The following HPSE2 variants were observed in gnomAD, a reference collection of about 807,000 sequenced individuals.
HPSE2 encodes the protein inactive heparanase-2.
HPSE2 carries 38 observed loss-of-function variants against 60.5 expected under a neutral mutation model. That is an observed-to-expected ratio of 0.63 (90% confidence interval 0.48 to 0.82). The LOEUF (loss-of-function observed/expected upper bound fraction) is 0.82. HPSE2 is among the 40% of genes least tolerant of loss of function. The pLI is 0.00. For synonymous variants in HPSE2, 295 were observed against 293.2 expected (o/e 1.01, Z -0.06); for missense variants, 713 against 740.4 (o/e 0.96, Z 0.43).
intron 6 of HPSE2, among the ~76,000 whole-genome samples, chr10:98,644,808 C>A (rs1245561425): frequency 1.3e-5 from 2 of 152,198 alleles, no homozygotes; most frequent in Non-Finnish European, 2.9e-5. Context: ...TGAAATCCAG[C>A]AACCTTGGCT....
chr10:98,526,808 G>A (rs1942980670), intron 9 of HPSE2, among the ~76,000 whole-genome samples: 1 of 152,108 alleles, frequency 6.6e-6, no homozygotes, highest in Non-Finnish European at 1.5e-5. Context: ...GGGCTCACTG[G>A]GGTTGAGGGG....
rs35173219 is a variant in HPSE2, at chr10:98,932,603, CTTTTT to C, written c.611-188552_611-188548del. Among the ~76,000 whole-genome samples, 3 of 125,988 alleles carry C rather than the reference CTTTTT, an allele frequency of 2.4e-5. 1 individual carries two copies. The highest frequency in any genetic ancestry group is 4.9e-5 in the Non-Finnish European group (3 of 61,832). 82.7% of individuals were successfully genotyped at this position (125,988 alleles called of 152,430 possible). On this transcript the variant is annotated intron_variant, in intron 3 of 11. Coordinates refer to ENST00000370552, the MANE Select transcript of HPSE2 (RefSeq NM_021828.5). ...AGCTGTAACTCCATCTGGAGCTGGG[CTTTTT>C]TTTTTTTTTGGCTGGTAGGCTATTT...
the HPSE2 span, among the ~76,000 whole-genome samples, chr10:99,312,085 A>G: frequency 2.0e-5 from 3 of 152,344 alleles, no homozygotes; most frequent in South Asian, 2.1e-4. Flanking sequence ...AGTTGGGACT[A>G]GTAAAGTGTG....
chr10:98,867,968 G>A (rs1038394290), intron 3 of HPSE2, among the ~76,000 whole-genome samples: 4 of 151,866 alleles, frequency 2.6e-5, no homozygotes, highest in Middle Eastern at 3.4e-3. Context: ...AGGGTGAGGC[G>A]GGAGAATCAC....
At chr10:98,846,795 C>T (rs778420755) in intron 3 of HPSE2, among the ~76,000 whole-genome samples, 2 of 152,148 alleles carry the variant, frequency 1.3e-5, no homozygotes, top group East Asian at 1.9e-4. Context: ...TAGTTTCAAA[C>T]TCCTGGGCTC....
chr10:98,934,194 A>G lies in HPSE2; in HGVS notation c.611-190138T>C, dbSNP rs1051084156. 1.0e-4 allele frequency among the ~76,000 whole-genome samples: 15 copies of G among 144,262 alleles called. 3 individuals carry two copies. Among genetic ancestry groups the G allele is most frequent in the African/African-American group, 4.2e-4 (15 of 35,542 alleles). 94.6% of individuals were successfully genotyped at this position (144,262 alleles called of 152,430 possible). Reference sequence around the variant, plus strand: ...TTTGCACATGAGATGTGTCTCTTGAATACAGCACACCAACAGGTCTTCTCT... The same window carrying G: ...TTTGCACATGAGATGTGTCTCTTGAGTACAGCACACCAACAGGTCTTCTCT... On this transcript the variant is annotated intron_variant, in intron 3 of 11. Transcript: ENST00000370552.
At chr10:98,668,568 A>C (rs537640141) in intron 6 of HPSE2, among the ~76,000 whole-genome samples, 9 of 152,338 alleles carry the variant, frequency 5.9e-5, no homozygotes, top group African/African-American at 2.2e-4. Context: ...CTTATAGACC[A>C]TTGTAACAGA....
Position 98,930,121 on chromosome 10 carries a change from C to A in HPSE2, c.611-186065G>T, listed in dbSNP as rs538193584. ...AAGCCCAGCATGCATCAGCTCTTTTCTCTAATGCTTCCCCCCTCCACTATC... is the reference window on the plus strand; with the variant it reads ...AAGCCCAGCATGCATCAGCTCTTTTATCTAATGCTTCCCCCCTCCACTATC... On this transcript the variant is annotated intron_variant, in intron 3 of 11. Coordinates refer to ENST00000370552, the MANE Select transcript of HPSE2 (RefSeq NM_021828.5). Among the ~76,000 whole-genome samples, 4 of 141,178 alleles carry A rather than the reference C, an allele frequency of 2.8e-5. 1 individual carries two copies. The highest frequency in any genetic ancestry group is 1.1e-4 in the African/African-American group (4 of 34,820). The allele number at this position is 141,178 out of a possible 152,430, so 92.6% of individuals were successfully genotyped here. A position where few individuals can be genotyped will look rare whatever the true frequency, so the allele number is the denominator to read the frequency against.
intron 3 of HPSE2, among the ~76,000 whole-genome samples, chr10:98,834,319 G>T (rs949920416): frequency 6.6e-6 from 1 of 152,086 alleles, no homozygotes; most frequent in African/African-American, 2.4e-5. Context: ...ACTAATTGGT[G>T]ACATCTGCAA....
At chr10:98,696,469 C>T (rs1010244463) in intron 5 of HPSE2, among the ~76,000 whole-genome samples, 2 of 152,020 alleles carry the variant, frequency 1.3e-5, no homozygotes, top group Admixed American at 6.6e-5. Context: ...AGGGAAGCCC[C>T]GATCCTCAGT....
chr10:98,798,791 T>A (rs1478887876), intron 3 of HPSE2, among the ~76,000 whole-genome samples: 1 of 151,672 alleles, frequency 6.6e-6, no homozygotes, highest in East Asian at 1.9e-4. Flanking sequence ...TCACCTTCAC[T>A]AAAAGAAATA....
intron 6 of HPSE2, among the ~76,000 whole-genome samples, chr10:98,654,032 T>C (rs1412159619): frequency 1.3e-5 from 2 of 152,156 alleles, no homozygotes; most frequent in Non-Finnish European, 2.9e-5. Context: ...CTTGCATTGT[T>C]TCTTATGATA....
intron 2 of HPSE2, among the ~76,000 whole-genome samples, chr10:99,199,711 T>C (rs1293341338): frequency 6.6e-6 from 1 of 152,158 alleles, no homozygotes. Flanking sequence ...CAAGGACACG[T>C]AACGCCTCCA....
At chr10:99,256,134 C>A in the HPSE2 span, among the ~76,000 whole-genome samples, 2 of 151,670 alleles carry the variant, frequency 1.3e-5, no homozygotes, top group East Asian at 4.0e-4. Context: ...CACCTCCCAA[C>A]AGGCCCTTCC....
chr10:99,178,748 A>T (rs1230583718), intron 2 of HPSE2, among the ~76,000 whole-genome samples: 2 of 152,314 alleles, frequency 1.3e-5, no homozygotes, highest in Non-Finnish European at 2.9e-5. Flanking sequence ...AAAAAGAGGG[A>T]ATCCTCCCTA....
chr10:98,777,474 T>C (rs551503303), intron 3 of HPSE2, among the ~76,000 whole-genome samples: 104 of 152,272 alleles, frequency 6.8e-4, no homozygotes, highest in African/African-American at 2.2e-3. Flanking sequence ...CAAAACCAAA[T>C]TGAATTCCAT....
chr10:98,734,121 GT>G (rs1385403278), intron 4 of HPSE2, among the ~76,000 whole-genome samples: 1 of 152,132 alleles, frequency 6.6e-6, no homozygotes, highest in Non-Finnish European at 1.5e-5. Context: ...GTTGTCTTTT[GT>G]GACTGGATTC....
At chr10:99,027,676 TACCACCACCACCACC>T (rs35049969) in intron 3 of HPSE2, among the ~76,000 whole-genome samples, 15 of 139,250 alleles carry the variant, frequency 1.1e-4, no homozygotes, top group African/African-American at 3.5e-4. Context: ...CCACCACCAC[TACCACCACCACCACC>T]ACCACCACCA....
intron 9 of HPSE2, 38 bp from the exon 10 acceptor site, chr10:98,490,234 C>G (rs1941595802): frequency 6.2e-7 from 1 of 1,606,426 alleles, no homozygotes; most frequent in Non-Finnish European, 8.5e-7. Flanking sequence ...AGCGAGAGAA[C>G]ACATGCTCAG....
Sources: allele counts gnomAD v4.1 joint callset (sites outside exome capture counted in the v4.1 genomes callset), GRCh38; gene constraint gnomAD v4.1.1; transcripts MANE v1.5; gene names NCBI Gene and HGNC (gene_info 2026-07-23, HGNC 2026-07-21).